Variants in MARCHF1 observed in about 807,000 individuals in gnomAD.
MARCHF1 encodes membrane associated ring-CH-type finger 1.
In MARCHF1, 40 loss-of-function variants were observed where a neutral mutation model predicts 54.2. The observed-to-expected ratio is 0.74, with a 90% confidence interval of 0.57 to 0.96. MARCHF1 has a LOEUF of 0.96. Among genes scored for constraint, MARCHF1 ranks in the 40% least tolerant of loss-of-function variants. The pLI is 0.00. For synonymous variants in MARCHF1, 236 were observed against 236.3 expected (o/e 1.00, Z 0.01); for missense variants, 586 against 656.5 (o/e 0.89, Z 1.17).
chr4:163,600,156 T>C (rs1455262424), intron 7 of MARCHF1, among the ~76,000 whole-genome samples: 2 of 152,074 alleles, frequency 1.3e-5, no homozygotes, highest in Non-Finnish European at 2.9e-5. Context: ...ATATATCTAT[T>C]TATATACACA....
chr4:163,957,787 T>C (rs1752259917), intron 3 of MARCHF1, among the ~76,000 whole-genome samples: 1 of 152,008 alleles, frequency 6.6e-6, no homozygotes, highest in Non-Finnish European at 1.5e-5. Context: ...TTACATTGTA[T>C]ATCATGAATC....
chr4:163,602,935 A>G (rs1225349571), intron 7 of MARCHF1, among the ~76,000 whole-genome samples: 2 of 152,114 alleles, frequency 1.3e-5, no homozygotes, highest in Non-Finnish European at 1.5e-5. Flanking sequence ...TAAATATTGG[A>G]TATTAAATAT....
chr4:164,054,828 A>G (rs1258316168), intron 2 of MARCHF1, among the ~76,000 whole-genome samples: 1 of 149,852 alleles, frequency 6.7e-6, no homozygotes, highest in Non-Finnish European at 1.5e-5. Flanking sequence ...ACCTAATGCT[A>G]GATGACGAGT....
intron 4 of MARCHF1, among the ~76,000 whole-genome samples, chr4:163,722,819 A>C (rs528772815): frequency 3.1e-4 from 47 of 152,238 alleles, no homozygotes; most frequent in East Asian, 7.7e-4. Context: ...GGTTTAAAGT[A>C]TGTTTTATCA....
chr4:163,858,888 C>G (rs1397357019), intron 3 of MARCHF1, among the ~76,000 whole-genome samples: 4 of 152,140 alleles, frequency 2.6e-5, no homozygotes, highest in African/African-American at 4.8e-5. Flanking sequence ...TTGAATTCTG[C>G]AAGAACAGAT....
At chr4:163,822,089 T>A (rs765709542) in intron 4 of MARCHF1, among the ~76,000 whole-genome samples, 10 of 151,968 alleles carry the variant, frequency 6.6e-5, no homozygotes, top group Admixed American at 1.3e-4. Flanking sequence ...ATCCTGTTTT[T>A]AAACCATGAC....
chr4:163,722,368 A>T (rs1745501320), intron 4 of MARCHF1, among the ~76,000 whole-genome samples: 1 of 152,070 alleles, frequency 6.6e-6, no homozygotes, highest in Non-Finnish European at 1.5e-5. Context: ...CCTGAGTTCT[A>T]GTTTGATTGC....
chr4:164,272,341 T>G (rs1399953447), intron 1 of MARCHF1, among the ~76,000 whole-genome samples: 2 of 152,086 alleles, frequency 1.3e-5, no homozygotes, highest in Admixed American at 1.3e-4. Flanking sequence ...TTGTTTGTTA[T>G]ATCAAAAAAT....
chr4:163,544,333 AAC>A (rs1738820377), intron 9 of MARCHF1, among the ~76,000 whole-genome samples: 1 of 152,202 alleles, frequency 6.6e-6, no homozygotes, highest in African/African-American at 2.4e-5. Context: ...GGAATAAATA[AAC>A]ACATAAAAAC....
At chr4:164,053,027 A>G (rs1410362732) in intron 2 of MARCHF1, among the ~76,000 whole-genome samples, 4 of 152,164 alleles carry the variant, frequency 2.6e-5, no homozygotes, top group Non-Finnish European at 4.4e-5. Context: ...AAAAGAATAT[A>G]TAATTAAGTC....
At chr4:164,243,754 TGGAG>T (rs1381089120) in intron 1 of MARCHF1, among the ~76,000 whole-genome samples, 3 of 152,066 alleles carry the variant, frequency 2.0e-5, no homozygotes, top group Admixed American at 1.3e-4. Flanking sequence ...AATAAAAGGA[TGGAG>T]GAAGATCCAC....
At chr4:163,968,218 C>T (rs1259600138) in intron 3 of MARCHF1, among the ~76,000 whole-genome samples, 1 of 129,214 alleles carries the variant, frequency 7.7e-6, no homozygotes, top group Non-Finnish European at 1.8e-5. Flanking sequence ...CTTGTTTGCT[C>T]ATTGGACCCT....
At chr4:164,313,418 G>A (rs1262751534) in intron 1 of MARCHF1, among the ~76,000 whole-genome samples, 2 of 148,980 alleles carry the variant, frequency 1.3e-5, no homozygotes, top group Non-Finnish European at 1.5e-5. Context: ...TTAAAAAACA[G>A]AACTTTCCAT....
intron 1 of MARCHF1, among the ~76,000 whole-genome samples, chr4:164,126,499 A>G (rs1175566522): frequency 1.3e-5 from 2 of 152,162 alleles, no homozygotes; most frequent in African/African-American, 4.8e-5. Context: ...ATTGGTATGG[A>G]GAAGTGGCGG....
At chr4:164,325,948 C>A (rs571687096) in intron 1 of MARCHF1, among the ~76,000 whole-genome samples, 1 of 152,218 alleles carries the variant, frequency 6.6e-6, no homozygotes, top group South Asian at 2.1e-4. Flanking sequence ...GGAGCAGTGG[C>A]TATAACAGGC....
intron 3 of MARCHF1, among the ~76,000 whole-genome samples, chr4:163,891,552 A>C (rs746804447): frequency 2.0e-5 from 3 of 152,208 alleles, no homozygotes; most frequent in South Asian, 4.2e-4. Flanking sequence ...GAAATGAAAC[A>C]ACCACCAAAA....
chr4:163,605,658 A>G (rs1438869020), intron 7 of MARCHF1, among the ~76,000 whole-genome samples: 1 of 152,148 alleles, frequency 6.6e-6, no homozygotes, highest in Non-Finnish European at 1.5e-5. Context: ...AACCAACCCA[A>G]ATGTCCATCA....
At chr4:164,342,114 G>C (rs1729947793) in intron 1 of MARCHF1, among the ~76,000 whole-genome samples, 1 of 151,958 alleles carries the variant, frequency 6.6e-6, no homozygotes, top group East Asian at 1.9e-4. Context: ...AGCAAAAAAA[G>C]ACATATAACC....
At chr4:163,838,212 T>C (rs1331415095) in intron 4 of MARCHF1, among the ~76,000 whole-genome samples, 2 of 152,118 alleles carry the variant, frequency 1.3e-5, no homozygotes, top group African/African-American at 2.4e-5. Flanking sequence ...CATGGATGGA[T>C]GGTCAGGTTC....
Sources: gnomAD v4.1 joint callset for allele counts (sites outside exome capture counted in the v4.1 genomes callset) on GRCh38, gnomAD v4.1.1 for gene constraint, MANE v1.5 for transcripts, NCBI Gene and HGNC (gene_info 2026-07-23, HGNC 2026-07-21) for gene names.